Variants in OR8B3 observed in about 807,000 individuals in gnomAD.
OR8B3 encodes the protein olfactory receptor 8B3.
For synonymous variants in OR8B3, 102 were observed against 135.4 expected (o/e 0.75, Z 1.71); for missense variants, 278 against 377.6 (o/e 0.74, Z 2.19).
At chr11:124,404,344 G>A in the OR8B3 span, 1 of 151,608 alleles carries the variant, frequency 6.6e-6, no homozygotes, top group Admixed American at 6.6e-5. Context: ...ATCCTTTAAG[G>A]AGCATTTTTC....
Position 124,398,098 on chromosome 11 carries a change from C to T in OR8B3, c.-18+592G>A, listed in dbSNP as rs1003801774. ...GATTCCTTTAGGGCAGAGACCATAC[C>T]GATATTCTGTTTCCTAGACAGGGGT... On this transcript the variant is annotated intron_variant, in intron 1 of 1. Coordinates refer to ENST00000641139, the MANE Select transcript of OR8B3 (RefSeq NM_001005467.2). 5.3e-5 allele frequency among the ~76,000 whole-genome samples: 8 copies of T among 152,188 alleles called. No homozygotes were observed. In the East Asian group the frequency reaches 1.2e-3, roughly 22 times the overall value.
At chr11:124,404,083 G>A in the OR8B3 span, among the ~76,000 whole-genome samples, 1 of 152,184 alleles carries the variant, frequency 6.6e-6, no homozygotes, top group Non-Finnish European at 1.5e-5. Flanking sequence ...GCTTCGGCTC[G>A]GCATCAGAGG....
At chr11:124,403,485 C>G (rs867133521), upstream of OR8B3, among the ~76,000 whole-genome samples, 8 of 149,446 alleles carry the variant, frequency 5.4e-5, no homozygotes, top group Non-Finnish European at 1.2e-4. Flanking sequence ...GGGTCGCGGC[C>G]GGGCAGAGGC....
intron 1 of OR8B3, among the ~76,000 whole-genome samples, chr11:124,398,003 G>C (rs539913021): frequency 3.8e-4 from 58 of 151,948 alleles, no homozygotes; most frequent in Non-Finnish European, 6.6e-4. Context: ...CCACTTCCTA[G>C]TTTCTACTTA....
At chr11:124,406,985 G>A in the OR8B3 span, among the ~76,000 whole-genome samples, 50 of 152,092 alleles carry the variant, frequency 3.3e-4, no homozygotes, top group African/African-American at 1.2e-3. Flanking sequence ...CATTTTCCAT[G>A]AAGCAAATGT....
chr11:124,405,142 A>T, the OR8B3 span: 2 of 152,202 alleles, frequency 1.3e-5, no homozygotes, highest in African/African-American at 2.4e-5. Context: ...GGCAGACAGT[A>T]GCATTAATGA....
upstream of OR8B3, among the ~76,000 whole-genome samples, chr11:124,399,692 A>G (rs1172788102): frequency 6.6e-6 from 1 of 152,204 alleles, no homozygotes; most frequent in Non-Finnish European, 1.5e-5. Context: ...CAGTTTCCTC[A>G]CATGGCGATG....
At chr11:124,404,598 A>G in the OR8B3 span, 3 of 152,190 alleles carry the variant, frequency 2.0e-5, no homozygotes, top group African/African-American at 4.8e-5. Context: ...CAGCCTCACT[A>G]TCTCTGGAAA....
In OR8B3 at chr11:124,397,505, C is replaced by A. The variant is rs150410485; in HGVS notation, c.-17-137G>T. ...GGATCTGAATGTTCTGAATGTACTG[C>A]CACTCCCACTCCTCAACATTTCAGT... On this transcript the variant is annotated intron_variant, in intron 1 of 1. Transcript: ENST00000641139. The A allele has an allele frequency of 1.9e-3, 1,077 of 552,902 alleles. 6 individuals are homozygous for A. The African/African-American group carries it at 0.02, about 10-fold the overall frequency. The allele number at this position is 552,902 out of a possible 1,614,324, so 34.2% of individuals were successfully genotyped here. A position where few individuals can be genotyped will look rare whatever the true frequency, so the allele number is the denominator to read the frequency against.
rs532034068 is a variant in OR8B3, at chr11:124,397,680, G to T, written c.-17-312C>A. Among the ~76,000 whole-genome samples, 13 of 151,688 alleles carry T rather than the reference G, an allele frequency of 8.6e-5. No homozygotes were observed. In the South Asian group the frequency reaches 1.0e-3, roughly 12 times the overall value. On this transcript the variant is annotated intron_variant, in intron 1 of 1. Transcript: ENST00000641139. ...GTCTCATCTCCCTCGCTTCCATCTG[G>T]CCCTTCACTTCCTAGTTTCTTTTTT...
upstream of OR8B3, among the ~76,000 whole-genome samples, chr11:124,400,563 AG>A (rs1308439890): frequency 6.6e-6 from 1 of 151,916 alleles, no homozygotes; most frequent in Admixed American, 6.6e-5. Flanking sequence ...ATTTGAGACC[AG>A]GTCTCACTCT....
At chr11:124,400,108 G>A (rs111322020), upstream of OR8B3, among the ~76,000 whole-genome samples, 585 of 152,216 alleles carry the variant, frequency 3.8e-3, 4 homozygotes, top group African/African-American at 0.013. Context: ...TAATCCACCT[G>A]CCTTGGCCTC....
rs1381446860 is a variant in OR8B3, at chr11:124,396,194, T to C, written c.*216A>G. The C allele has an allele frequency of 3.9e-6, 2 of 518,886 alleles. No homozygotes were observed. The highest frequency in any genetic ancestry group is 6.7e-6 in the Non-Finnish European group (2 of 297,014). 32.1% of individuals were successfully genotyped at this position (518,886 alleles called of 1,614,324 possible). On this transcript the variant is annotated 3_prime_UTR_variant, in exon 2 of 2. Transcript: ENST00000641139. ...TGAAAAATATCAGTGCATATGTTCC[T>C]TTTACAAAGATGCCATGACCTATTT...
At position 124,396,606 on chromosome 11, in the gene OR8B3, G is replaced by A. The variant is rs1420062545; in HGVS notation, c.746C>T (p.Ser249Phe). The A allele has an allele frequency of 3.7e-6, 6 of 1,612,674 alleles. No homozygotes were observed. The highest frequency in any genetic ancestry group is 5.1e-6 in the Non-Finnish European group (6 of 1,179,384). Residue 249 changes from serine (S) to phenylalanine (F), a missense_variant, in exon 2 of 2, where the codon TCT becomes TTT. Ser to Phe is a radical substitution (Grantham distance 155). Coordinates refer to ENST00000641139, the MANE Select transcript of OR8B3 (RefSeq NM_001005467.2). ...GAATGCCGCTGACCCAAAAAACAGAGACAGAGCAATGACATGAGAGCTACA... is the reference window on the plus strand; with the variant it reads ...GAATGCCGCTGACCCAAAAAACAGAAACAGAGCAATGACATGAGAGCTACA... ...STCSSHVIALSLFFGSAAFMY... is the reference protein window; with the variant it reads ...STCSSHVIALFLFFGSAAFMY...
chr11:124,399,865 A>G (rs1860960117), upstream of OR8B3, among the ~76,000 whole-genome samples: 1 of 149,764 alleles, frequency 6.7e-6, no homozygotes, highest in Non-Finnish European at 1.5e-5. Flanking sequence ...ACCACCACCT[A>G]AGTCAGGATA....
At chr11:124,407,132 C>T in the OR8B3 span, among the ~76,000 whole-genome samples, 1 of 152,186 alleles carries the variant, frequency 6.6e-6, no homozygotes, top group South Asian at 2.1e-4. Flanking sequence ...TCAAAAATTT[C>T]ATCTTCTCAA....
chr11:124,402,640 T>C (rs117161761), upstream of OR8B3, among the ~76,000 whole-genome samples: 930 of 152,340 alleles, frequency 6.1e-3, 5 homozygotes, highest in Non-Finnish European at 9.5e-3. Context: ...GTGAAGTTTT[T>C]TAAAGATGTG....
At chr11:124,405,109 A>G in the OR8B3 span, 1 of 152,204 alleles carries the variant, frequency 6.6e-6, no homozygotes, top group Non-Finnish European at 1.5e-5. Flanking sequence ...CATTCATTTC[A>G]TGGTATGATC....
rs545231955 is a variant in OR8B3 at position 124,396,365 on chromosome 11, A to C, written c.*45T>G. 1 of 1,511,854 alleles carries C rather than the reference A, an allele frequency of 6.6e-7. No individual in the cohort carries two copies. The highest frequency in any genetic ancestry group is 1.3e-5 in the South Asian group (1 of 75,662). The allele number at this position is 1,511,854 out of a possible 1,614,324, so 93.7% of individuals were successfully genotyped here. On this transcript the variant is annotated 3_prime_UTR_variant, in exon 2 of 2. Transcript: ENST00000641139. ...AATCTCTTCATGGAACACACTAATAAAAATTTAAAGTTCTTCAATCGTTTT... is the reference window on the plus strand; with the variant it reads ...AATCTCTTCATGGAACACACTAATACAAATTTAAAGTTCTTCAATCGTTTT...
Sources: gnomAD v4.1 joint callset for allele counts (sites outside exome capture counted in the v4.1 genomes callset) on GRCh38, gnomAD v4.1.1 for gene constraint, MANE v1.5 for transcripts, NCBI Gene and HGNC (gene_info 2026-07-23, HGNC 2026-07-21) for gene names.